Variants in DPP10 observed in about 807,000 individuals in gnomAD.
DPP10 encodes the protein dipeptidyl peptidase like 10, also known as inactive dipeptidyl peptidase 10.
A neutral mutation model predicts 120.9 loss-of-function variants in DPP10; 33 were observed. The ratio of observed to expected loss-of-function variants is 0.27; its 90% confidence interval spans 0.21 to 0.37. DPP10 has a LOEUF of 0.37. Among genes scored for constraint, DPP10 ranks in the 10% least tolerant of loss-of-function variants. DPP10 has a pLI of 1.00. For synonymous variants in DPP10, 337 were observed against 326.1 expected, an observed-to-expected ratio of 1.03 and a Z score of -0.36; for missense variants, 816 against 942.8, an observed-to-expected ratio of 0.87 and a Z score of 1.76.
chr2:115,565,769 G>GTTTTTTTTTTTTT (rs144846765), intron 5 of DPP10, among the ~76,000 whole-genome samples: 2 of 136,226 alleles, frequency 1.5e-5, no homozygotes, highest in Non-Finnish European at 1.5e-5. Flanking sequence ...TGTTTGTTTT[G>GTTTTTTTTTTTTT]TTTTTTTTTG....
chr2:114,715,574 T>C (rs1701293763), intron 1 of DPP10, among the ~76,000 whole-genome samples: 1 of 152,036 alleles, frequency 6.6e-6, no homozygotes, highest in Non-Finnish European at 1.5e-5. Flanking sequence ...ACTATCTGCC[T>C]ACTGAACCTC....
intron 1 of DPP10, among the ~76,000 whole-genome samples, chr2:115,041,612 T>G (rs1339518997): frequency 6.6e-6 from 1 of 152,198 alleles, no homozygotes; most frequent in African/African-American, 2.4e-5. Context: ...GTAACAGCAA[T>G]TTTGTGGTGT....
chr2:115,117,597 G>A (rs998614056), intron 1 of DPP10, among the ~76,000 whole-genome samples: 3 of 152,206 alleles, frequency 2.0e-5, no homozygotes, highest in Non-Finnish European at 2.9e-5. Flanking sequence ...GACAGTGTGA[G>A]AGCCTGTCTC....
chr2:115,720,357 G>A (rs1365442937), intron 7 of DPP10, among the ~76,000 whole-genome samples: 1 of 152,156 alleles, frequency 6.6e-6, no homozygotes, highest in African/African-American at 2.4e-5. Flanking sequence ...ATTTTAAAGA[G>A]TAATTCCTCC....
chr2:114,477,103 G>A (rs1680465381), intron 1 of DPP10, among the ~76,000 whole-genome samples: 1 of 151,894 alleles, frequency 6.6e-6, no homozygotes, highest in African/African-American at 2.4e-5. Flanking sequence ...GGGATTATAG[G>A]TGCGCACCAC....
chr2:115,504,415 C>T (rs1240273719), intron 4 of DPP10, among the ~76,000 whole-genome samples: 1 of 151,392 alleles, frequency 6.6e-6, no homozygotes, highest in African/African-American at 2.4e-5. Flanking sequence ...ATTTCATCAT[C>T]TTTTGCTTGG....
intron 1 of DPP10, among the ~76,000 whole-genome samples, chr2:114,537,019 T>G (rs1207141016): frequency 6.6e-6 from 1 of 152,192 alleles, no homozygotes; most frequent in Non-Finnish European, 1.5e-5. Context: ...CTCCAAAGAT[T>G]AAAGCTTCCT....
intron 5 of DPP10, among the ~76,000 whole-genome samples, chr2:115,643,502 G>C (rs1316110130): frequency 1.3e-5 from 2 of 152,098 alleles, no homozygotes; most frequent in African/African-American, 4.8e-5. Flanking sequence ...GATTAAAGAG[G>C]AGCCCACGAT....
intron 1 of DPP10, among the ~76,000 whole-genome samples, chr2:114,892,689 A>G (rs912328990): frequency 6.6e-6 from 1 of 152,192 alleles, no homozygotes; most frequent in Non-Finnish European, 1.5e-5. Context: ...CTTCGTGCAG[A>G]TAAGCCCTGT....
chr2:115,415,840 TTTATATATA>T (rs1203448629), intron 3 of DPP10, among the ~76,000 whole-genome samples: 1 of 83,400 alleles, frequency 1.2e-5, no homozygotes, highest in East Asian at 2.9e-4. Flanking sequence ...CTGATTTGCT[TTTATATATA>T]TATATATATA....
At chr2:115,419,591 A>C (rs1440428389) in intron 3 of DPP10, among the ~76,000 whole-genome samples, 1 of 152,152 alleles carries the variant, frequency 6.6e-6, no homozygotes. Context: ...ATCACATTTC[A>C]ACATGAGACT....
intron 1 of DPP10, among the ~76,000 whole-genome samples, chr2:115,289,082 T>C (rs906344168): frequency 1.1e-4 from 17 of 152,112 alleles, no homozygotes; most frequent in African/African-American, 4.1e-4. Context: ...ATTTGATCAG[T>C]GAATTCAGTA....
intron 1 of DPP10, among the ~76,000 whole-genome samples, chr2:115,027,295 C>T (rs1280722894): frequency 6.6e-6 from 1 of 152,094 alleles, no homozygotes; most frequent in Non-Finnish European, 1.5e-5. Flanking sequence ...GCCAATTTGA[C>T]TTCTTTTGTC....
intron 1 of DPP10, among the ~76,000 whole-genome samples, chr2:114,967,011 C>A (rs1057216087): frequency 5.9e-5 from 9 of 152,058 alleles, no homozygotes; most frequent in Non-Finnish European, 1.3e-4. Flanking sequence ...CATTGTACAC[C>A]AGTCTGGGCA....
rs533188003 is a variant in DPP10, at chr2:114,896,108, A to T, written c.61-413131A>T. Among the ~76,000 whole-genome samples the T allele has an allele frequency of 3.3e-5, 5 of 152,076 alleles. No individual in the cohort carries two copies. In the East Asian group the frequency reaches 7.7e-4, roughly 24 times the overall value. On this transcript the variant is annotated intron_variant, in intron 1 of 25. Transcript: ENST00000410059. ...ATTGATCTATATCTCTGTTTTGGTA[A>T]CAGTACCATGCTGTTTTGGTTACTG...
chr2:115,193,213 T>C (rs1185581436), intron 1 of DPP10, among the ~76,000 whole-genome samples: 1 of 152,232 alleles, frequency 6.6e-6, no homozygotes, highest in Non-Finnish European at 1.5e-5. Flanking sequence ...CCTTAACTTT[T>C]TGACTTGTTG....
intron 1 of DPP10, among the ~76,000 whole-genome samples, chr2:114,489,603 C>G (rs1037109240): frequency 6.6e-6 from 1 of 152,208 alleles, no homozygotes; most frequent in African/African-American, 2.4e-5. Context: ...CAACACACTG[C>G]ATTTTAGCTT....
chr2:114,548,390 G>A (rs756606679), intron 1 of DPP10, among the ~76,000 whole-genome samples: 3 of 152,122 alleles, frequency 2.0e-5, no homozygotes, highest in South Asian at 2.1e-4. Flanking sequence ...GGGGTGTTGC[G>A]ACATCTGGGT....
intron 1 of DPP10, among the ~76,000 whole-genome samples, chr2:115,307,216 T>A (rs1301446243): frequency 6.6e-6 from 1 of 152,114 alleles, no homozygotes; most frequent in Non-Finnish European, 1.5e-5. Flanking sequence ...ATAATATATA[T>A]AAGCTATTAT....
Sources: gnomAD v4.1 joint callset for allele counts (sites outside exome capture counted in the v4.1 genomes callset) on GRCh38, gnomAD v4.1.1 for gene constraint, MANE v1.5 for transcripts, NCBI Gene and HGNC (gene_info 2026-07-23, HGNC 2026-07-21) for gene names.